ABCA13: variants seen among roughly 807,000 people sequenced by gnomAD.
The protein encoded by ABCA13 is ATP binding cassette subfamily A member 13.
A neutral mutation model predicts 478.7 loss-of-function variants in ABCA13; 476 were observed. The observed-to-expected ratio is 0.99, with a 90% CI of 0.92 to 1.07. The LOEUF (loss-of-function observed/expected upper bound fraction) is 1.07, where lower values mean the gene tolerates loss of function less well. ABCA13 is among the 50% of genes least tolerant of loss of function. ABCA13 has a pLI of 0.00. For synonymous variants in ABCA13, 2,252 were observed against 2,158.9 expected (o/e 1.04, Z -1.20); for missense variants, 6,060 against 5,910.6 (o/e 1.03, Z -0.83).
chr7:48,346,541 A>G (rs1428100983), intron 29 of ABCA13, among the ~76,000 whole-genome samples: 4 of 151,358 alleles, frequency 2.6e-5, no homozygotes, highest in African/African-American at 9.7e-5. Flanking sequence ...TGCACAATAT[A>G]CTTTTTGGTT....
intron 8 of ABCA13, among the ~76,000 whole-genome samples, chr7:48,238,428 G>A (rs1412847114): frequency 6.6e-6 from 1 of 151,726 alleles, no homozygotes; most frequent in African/African-American, 2.4e-5. Context: ...ATAAACATAA[G>A]TATTTACAAA....
chr7:48,275,571 T>A lies in ABCA13; in HGVS notation c.5905T>A (p.Ser1969Thr). The change falls in exon 17 of 62, where the codon TCA (serine) becomes ACA (threonine). Residue 1969 changes from serine to threonine, a missense_variant. Around this residue, in one of 3 missense-constraint regions of ABCA13, gnomAD observed 4,423 missense variants for 4,309.1 expected, o/e 1.03. Coordinates refer to ENST00000435803, the MANE Select transcript of ABCA13 (RefSeq NM_152701.5). ...LKNVNFTKVT[S>T]GENILDKLSS... ...AAATGTCAACTTTACAAAAGTTACA[T>A]CAGGTGAAAATATTCTTGACAAACT... The A allele has an allele frequency of 6.2e-7, 1 of 1,613,556 alleles. No homozygotes were observed. Among genetic ancestry groups the A allele is most frequent in the South Asian group, 1.1e-5 (1 of 91,062 alleles).
Position 48,405,550 on chromosome 7 carries a change from C to T in ABCA13, c.12070+1671C>T, listed in dbSNP as rs370399659. ...GATTTAAACTGGACGAAACAATTTG[C>T]GCACTACCCTGGCTGGGGACTGATG... On this transcript the variant is annotated intron_variant, in intron 39 of 61. Transcript: ENST00000435803. 9.5e-4 allele frequency among the ~76,000 whole-genome samples: 145 copies of T among 152,300 alleles called. 1 individual carries two copies. The highest frequency in any genetic ancestry group is 3.3e-3 in the African/African-American group (137 of 41,554).
intron 38 of ABCA13, among the ~76,000 whole-genome samples, chr7:48,394,746 G>A (rs1248351523): frequency 6.6e-6 from 1 of 152,014 alleles, no homozygotes; most frequent in Non-Finnish European, 1.5e-5. Flanking sequence ...GGTTACATGA[G>A]TAAGTTCTTT....
intron 3 of ABCA13, 36 bp from the exon 4 acceptor site, chr7:48,219,318 A>G (rs976479533): frequency 6.4e-7 from 1 of 1,561,844 alleles, no homozygotes; most frequent in African/African-American, 1.4e-5. Context: ...TATTCTTGTT[A>G]AAGAGTTTCA....
At chr7:48,307,060 C>A (rs907489572) in intron 23 of ABCA13, among the ~76,000 whole-genome samples, 2 of 152,270 alleles carry the variant, frequency 1.3e-5, no homozygotes, top group Admixed American at 1.3e-4. Context: ...GCCCACCCTG[C>A]AGATTTTGGG....
At chr7:48,513,831 A>G (rs140659171) in intron 51 of ABCA13, among the ~76,000 whole-genome samples, 1 of 152,376 alleles carries the variant, frequency 6.6e-6, no homozygotes, top group African/African-American at 2.4e-5. Flanking sequence ...TATTTTAAAG[A>G]TAACTAATGA....
intron 42 of ABCA13, among the ~76,000 whole-genome samples, chr7:48,435,742 A>G (rs1026142648): frequency 6.6e-6 from 1 of 151,694 alleles, no homozygotes; most frequent in South Asian, 2.1e-4. Flanking sequence ...TGAATTTTGT[A>G]AAAGTTCTTT....
intron 42 of ABCA13, among the ~76,000 whole-genome samples, chr7:48,433,961 A>G (rs954999261): frequency 5.9e-5 from 9 of 151,906 alleles, no homozygotes; most frequent in African/African-American, 2.2e-4. Context: ...AAGTTACTGT[A>G]ATAATGCTGC....
chr7:48,630,499 T>G (rs1794077569), intron 59 of ABCA13, among the ~76,000 whole-genome samples: 1 of 152,204 alleles, frequency 6.6e-6, no homozygotes, highest in Admixed American at 6.5e-5. Flanking sequence ...ATCTTGTTCT[T>G]TTTTACGACT....
At chr7:48,607,941 T>C (rs1791638021) in intron 58 of ABCA13, among the ~76,000 whole-genome samples, 1 of 152,226 alleles carries the variant, frequency 6.6e-6, no homozygotes, top group Non-Finnish European at 1.5e-5. Flanking sequence ...AGTACAGCAA[T>C]GCAATCTCTG....
chr7:48,372,116 T>C (rs1812722301), intron 32 of ABCA13, 52 bp from the exon 33 acceptor site: 8 of 1,501,090 alleles, frequency 5.3e-6, no homozygotes, highest in Non-Finnish European at 4.5e-6. Flanking sequence ...TGATTTGTTC[T>C]TCCTCAAGTA....
intron 43 of ABCA13, among the ~76,000 whole-genome samples, chr7:48,457,074 G>A (rs1487499846): frequency 6.6e-6 from 1 of 152,022 alleles, no homozygotes; most frequent in African/African-American, 2.4e-5. Context: ...GTAGTTATAT[G>A]TATAATTAGA....
intron 36 of ABCA13, among the ~76,000 whole-genome samples, chr7:48,388,374 T>A (rs570100583): frequency 5.3e-5 from 8 of 152,370 alleles, no homozygotes; most frequent in African/African-American, 1.9e-4. Flanking sequence ...TATTCAGTGT[T>A]CCTGTGTGAG....
At chr7:48,392,206 G>C (rs1816180318) in intron 38 of ABCA13, 67 bp downstream of exon 38, 1 of 1,430,294 alleles carries the variant, frequency 7.0e-7, no homozygotes, top group African/African-American at 1.4e-5. Context: ...GAAGACAATA[G>C]AAAGAGACAC....
chr7:48,528,010 T>C (rs909230292), intron 54 of ABCA13, among the ~76,000 whole-genome samples: 2 of 152,328 alleles, frequency 1.3e-5, no homozygotes, highest in East Asian at 1.9e-4. Flanking sequence ...GAAATTCTTA[T>C]ACCATTCAAG....
chr7:48,598,380 C>T (rs572829834), intron 58 of ABCA13, among the ~76,000 whole-genome samples: 1 of 152,166 alleles, frequency 6.6e-6, no homozygotes, highest in South Asian at 2.1e-4. Context: ...TTGAATAAAG[C>T]TGCTTAAGGA....
chr7:48,505,626 AAAT>A (rs1305797723), intron 48 of ABCA13, among the ~76,000 whole-genome samples: 1 of 152,244 alleles, frequency 6.6e-6, no homozygotes, highest in Non-Finnish European at 1.5e-5. Flanking sequence ...TAGGCAAAGG[AAAT>A]CTGATTACTC....
chr7:48,313,787 C>T (rs1333940896), intron 25 of ABCA13, among the ~76,000 whole-genome samples: 1 of 152,118 alleles, frequency 6.6e-6, no homozygotes, highest in African/African-American at 2.4e-5. Flanking sequence ...AGCAAGATAA[C>T]AATGTTCTCA....
Sources: allele counts gnomAD v4.1 joint callset (sites outside exome capture counted in the v4.1 genomes callset), GRCh38; gene constraint gnomAD v4.1.1; regional missense constraint gnomAD v4.1.1; transcripts MANE v1.5; gene names NCBI Gene and HGNC (gene_info 2026-07-23, HGNC 2026-07-21).